NBAS: variants seen among roughly 807,000 people sequenced by gnomAD.
The protein encoded by NBAS is NAG/BC035112 fusion.
NBAS carries 219 observed loss-of-function variants against 302.5 expected under a neutral mutation model. The observed-to-expected ratio is 0.72, with a 90% CI of 0.65 to 0.81. The LOEUF is 0.81. Among genes scored for constraint, NBAS ranks in the 30% least tolerant of loss-of-function variants. NBAS has a pLI of 0.00. For missense variants in NBAS, 2,932 were observed against 2,841.6 expected (o/e 1.03, Z -0.72); for synonymous variants, 1,118 against 1,021.6 (o/e 1.09, Z -1.80).
intron 29 of NBAS, among the ~76,000 whole-genome samples, chr2:15,382,674 G>A (rs1031779880): frequency 2.6e-5 from 4 of 152,200 alleles, no homozygotes; most frequent in African/African-American, 9.7e-5. Flanking sequence ...GACAAAAGTG[G>A]AAGAGGTGAG....
At chr2:15,383,179 A>G in intron 29 of NBAS, 36 bp downstream of exon 29, 2 of 1,490,732 alleles carry the variant, frequency 1.3e-6, no homozygotes, top group Non-Finnish European at 9.1e-7. Flanking sequence ...TAAAATTGTT[A>G]AATTAAAAAA....
intron 9 of NBAS, among the ~76,000 whole-genome samples, chr2:15,518,781 T>C (rs1356508484): frequency 6.6e-6 from 1 of 152,130 alleles, no homozygotes; most frequent in Non-Finnish European, 1.5e-5. Context: ...GGCCTCATAA[T>C]CATGGTGGAA....
intron 5 of NBAS, among the ~76,000 whole-genome samples, chr2:15,553,074 C>G (rs1336763055): frequency 6.6e-6 from 1 of 152,116 alleles, no homozygotes; most frequent in East Asian, 1.9e-4. Flanking sequence ...AAGTGCTGAA[C>G]CATCCCTACT....
intron 29 of NBAS, among the ~76,000 whole-genome samples, chr2:15,382,031 C>T (rs1388056367): frequency 6.6e-6 from 1 of 151,988 alleles, no homozygotes; most frequent in Admixed American, 6.6e-5. Flanking sequence ...CAAGAAAATT[C>T]TAATTAAAAA....
In NBAS at chr2:15,434,666, T is replaced by C. The variant is rs929678342; in HGVS notation, c.2340-6872A>G. 3.3e-5 allele frequency among the ~76,000 whole-genome samples: 5 copies of C among 152,302 alleles called. No individual in the cohort carries two copies. The East Asian group carries it at 9.6e-4, about 29-fold the overall frequency. On this transcript the variant is annotated intron_variant, in intron 21 of 51. Transcript: ENST00000281513. The stretch of plus-strand genomic sequence containing the variant: ...TATTTGTAGTATTACAGATGAAAAA[T>C]AGGGACTCAACTTAAAATTGATTAA...
At chr2:15,534,413 A>C in intron 9 of NBAS, 130 bp downstream of exon 9, 1 of 754,280 alleles carries the variant, frequency 1.3e-6, no homozygotes, top group Admixed American at 1.9e-5. Flanking sequence ...AGTATTATAG[A>C]TATTAAAGAT....
the NBAS span, among the ~76,000 whole-genome samples, chr2:15,142,761 G>T: frequency 6.6e-6 from 1 of 152,196 alleles, no homozygotes; most frequent in Non-Finnish European, 1.5e-5. Flanking sequence ...GGGGAGATAA[G>T]GAACATTCCA....
chr2:15,084,994 G>A, the NBAS span, among the ~76,000 whole-genome samples: 2 of 152,238 alleles, frequency 1.3e-5, no homozygotes, highest in Admixed American at 1.3e-4. Context: ...CCGCTGCAGG[G>A]AGCATGCAGG....
the NBAS span, among the ~76,000 whole-genome samples, chr2:14,800,540 G>A: frequency 6.6e-6 from 1 of 152,100 alleles, no homozygotes; most frequent in Non-Finnish European, 1.5e-5. Flanking sequence ...ACTTTTTACT[G>A]ATCTATTTTC....
chr2:15,067,677 G>A, the NBAS span, among the ~76,000 whole-genome samples: 1 of 152,104 alleles, frequency 6.6e-6, no homozygotes, highest in African/African-American at 2.4e-5. Flanking sequence ...GGCTGTGGGG[G>A]AGGGGGAAAC....
At chr2:15,547,110 T>C (rs964869061) in intron 6 of NBAS, among the ~76,000 whole-genome samples, 18 of 152,240 alleles carry the variant, frequency 1.2e-4, no homozygotes, top group African/African-American at 4.3e-4. Context: ...TTCCTATTTA[T>C]GGCCTAACAG....
the NBAS span, among the ~76,000 whole-genome samples, chr2:14,816,916 T>A: frequency 1.3e-5 from 2 of 152,180 alleles, no homozygotes. Flanking sequence ...AAAGAACTCA[T>A]CCTGTGAAAG....
chr2:15,023,538 C>T, the NBAS span, among the ~76,000 whole-genome samples: 13 of 151,612 alleles, frequency 8.6e-5, no homozygotes, highest in African/African-American at 2.9e-4. Flanking sequence ...TTTGACATTT[C>T]TCCAAGCTAA....
At chr2:14,798,267 A>G in the NBAS span, among the ~76,000 whole-genome samples, 1 of 152,184 alleles carries the variant, frequency 6.6e-6, no homozygotes, top group Non-Finnish European at 1.5e-5. Flanking sequence ...AGTTCCCTTT[A>G]ATTCTAAATT....
At chr2:14,969,206 C>T in the NBAS span, among the ~76,000 whole-genome samples, 9 of 151,882 alleles carry the variant, frequency 5.9e-5, no homozygotes, top group African/African-American at 2.2e-4. Flanking sequence ...AAATGGGTAC[C>T]GTGGGGTGAA....
At chr2:14,816,914 C>T in the NBAS span, among the ~76,000 whole-genome samples, 1 of 152,172 alleles carries the variant, frequency 6.6e-6, no homozygotes, top group Admixed American at 6.5e-5. Flanking sequence ...GAAAAGAACT[C>T]ATCCTGTGAA....
intron 11 of NBAS, among the ~76,000 whole-genome samples, chr2:15,500,502 T>TCACACA (rs72095633): frequency 0.012 from 1,582 of 136,208 alleles, 18 homozygotes; most frequent in Middle Eastern, 0.029. Flanking sequence ...TTTAGAAGTC[T>TCACACA]CACACACACA....
intron 40 of NBAS, among the ~76,000 whole-genome samples, chr2:15,293,960 A>C (rs1399475647): frequency 1.3e-5 from 2 of 152,212 alleles, no homozygotes. Flanking sequence ...TCTCAAAACC[A>C]CAAATATGTG....
the NBAS span, among the ~76,000 whole-genome samples, chr2:15,111,478 A>T: frequency 1.3e-5 from 2 of 152,170 alleles, no homozygotes; most frequent in African/African-American, 4.8e-5. Flanking sequence ...TGAAATATCC[A>T]ACAAGTATTC....
Sources: gnomAD v4.1 joint callset for allele counts (sites outside exome capture counted in the v4.1 genomes callset) on GRCh38, gnomAD v4.1.1 for gene constraint, MANE v1.5 for transcripts, NCBI Gene and HGNC (gene_info 2026-07-23, HGNC 2026-07-21) for gene names.